The following SLC4A2 variants were observed in gnomAD, a reference collection of about 807,000 sequenced individuals.
SLC4A2 encodes solute carrier family 4 member 2.
SLC4A2 carries 36 observed loss-of-function variants against 115.0 expected under a neutral mutation model. The observed-to-expected ratio is 0.31, with a 90% CI of 0.24 to 0.41. SLC4A2 has a LOEUF of 0.41. SLC4A2 is among the 10% of genes least tolerant of loss of function. The pLI, the probability that SLC4A2 is intolerant of heterozygous loss-of-function variation, is 1.00. For synonymous variants in SLC4A2, 708 were observed against 708.3 expected (o/e 1.00, Z 0.01); for missense variants, 1,252 against 1,705.6 (o/e 0.73, Z 4.68).
In SLC4A2 at chr7:151,074,135, C is replaced by A. The variant is rs758576374; in HGVS notation, c.2632C>A (p.Leu878Met). 6.8e-6 allele frequency: 11 copies of A among 1,612,556 alleles called. No homozygotes were observed. In the South Asian group the frequency reaches 1.2e-4, roughly 18 times the overall value. Residue 878 changes from leucine to methionine, a missense_variant, in exon 17 of 23, where the codon CTG becomes ATG. Physicochemically the swap from Leu to Met is conservative, Grantham distance 15. This residue lies in a region of SLC4A2 where 55 missense variants were observed against 48.6 expected (regional missense o/e 1.13). Transcript: ENST00000413384. ...NMTWAGARPT[L>M]GPGNRSLAGQ... ...GACATGGGCCGGGGCAAGACCCACG[C>A]TGGGGCCGGGCAACAGGAGCTTGGC...
chr7:151,062,145 G>A lies in SLC4A2; in HGVS notation c.51+107G>A, dbSNP rs915891820. 2.4e-5 allele frequency: 16 copies of A among 670,780 alleles called. No individual in the cohort carries two copies. The East Asian group carries it at 4.6e-4, about 19-fold the overall frequency. The allele number at this position is 670,780 out of a possible 1,614,324, so 41.6% of individuals were successfully genotyped here. On this transcript the variant is annotated intron_variant, in intron 2 of 22. Coordinates refer to ENST00000413384, the MANE Select transcript of SLC4A2 (RefSeq NM_003040.4). ...CAGGGGTGTGAGCGTGTGTGAGTGT[G>A]GAGACTGGGAGGATGCTGCCATCCC...
intron 2 of SLC4A2, chr7:151,063,004 C>A: frequency 7.0e-7 from 1 of 1,436,518 alleles, no homozygotes; most frequent in Non-Finnish European, 9.1e-7. Context: ...CGATGCCCTT[C>A]AGGTCCAGAA....
chr7:151,068,857 C>T (rs1797326265), intron 8 of SLC4A2, among the ~76,000 whole-genome samples: 1 of 151,768 alleles, frequency 6.6e-6, no homozygotes, highest in Non-Finnish European at 1.5e-5. Flanking sequence ...AACGAAGCAG[C>T]TGCTGGGCGC....
chr7:151,070,283 C>A lies in SLC4A2; in HGVS notation c.1386C>A (p.Asp462Glu). Reference protein sequence around the residue: ...GHHHGQGAESDPHVTEPLMGG... With the variant: ...GHHHGQGAESEPHVTEPLMGG... ...ACCATGGTCAGGGGGCTGAGAGTGA[C>A]CCCCACGTCACCGAGCCTCTCATGG... The change falls in exon 10 of 23, where the codon GAC (aspartate) becomes GAA (glutamate). Residue 462 changes from aspartate (D) to glutamate (E), a missense_variant. Coordinates refer to ENST00000413384, the MANE Select transcript of SLC4A2 (RefSeq NM_003040.4). 1 of 1,613,750 alleles carries A rather than the reference C, an allele frequency of 6.2e-7. No individual in the cohort carries two copies.
chr7:151,058,711 G>A (rs944836486), upstream of SLC4A2: 2 of 152,312 alleles, frequency 1.3e-5, no homozygotes, highest in African/African-American at 4.8e-5. Context: ...GTGGCAGGCA[G>A]GTTGGTTAAC....
Position 151,076,165 on chromosome 7 carries a change from C to G in SLC4A2, c.3624C>G (p.Phe1208Leu). 6.2e-7 allele frequency: 1 copy of G among 1,611,092 alleles called. No homozygotes were observed. The highest frequency in any genetic ancestry group is 2.2e-5 in the East Asian group (1 of 44,886). The change falls in exon 22 of 23, where the codon TTC (phenylalanine) becomes TTG (leucine). Residue 1208 changes from phenylalanine to leucine, a missense_variant. This residue lies in a region of SLC4A2 where 52 missense variants were observed against 40.6 expected (regional missense o/e 1.28). Transcript: ENST00000413384. ...PLRMVVLTRI[F>L]TDREMKCLDA... ...GCATGGTGGTGCTCACCCGTATCTTCACCGACCGAGAGATGAAATGTGTAA... is the reference window on the plus strand; with the variant it reads ...GCATGGTGGTGCTCACCCGTATCTTGACCGACCGAGAGATGAAATGTGTAA...
At position 151,074,102 on chromosome 7, in the gene SLC4A2, G is replaced by C. The variant is rs775252874; in HGVS notation, c.2599G>C (p.Glu867Gln). The change falls in exon 17 of 23, where the codon GAG (glutamate) becomes CAG (glutamine). Residue 867 changes from glutamate (E) to glutamine (Q), a missense_variant. This residue lies in a region of SLC4A2 where 55 missense variants were observed against 48.6 expected (regional missense o/e 1.13). Transcript: ENST00000413384. Reference protein sequence around the residue: ...ASNSSEVDGGENMTWAGARPT... With the variant: ...ASNSSEVDGGQNMTWAGARPT... Reference sequence around the variant, plus strand: ...CAACAGCTCAGAGGTGGACGGCGGTGAGAACATGACATGGGCCGGGGCAAG... The same window carrying C: ...CAACAGCTCAGAGGTGGACGGCGGTCAGAACATGACATGGGCCGGGGCAAG... 2 of 1,610,498 alleles carry C rather than the reference G, an allele frequency of 1.2e-6. No homozygotes were observed. The highest frequency in any genetic ancestry group is 1.7e-6 in the Non-Finnish European group (2 of 1,178,436).
rs1585004118 is a variant in SLC4A2 at position 151,076,481 on chromosome 7, TCTC to T, written c.*119_*121del. On this transcript the variant is annotated 3_prime_UTR_variant, in exon 23 of 23. Transcript: ENST00000413384. ...TATTTAAGTGAATAATTTAAAGTCTTCTCCTCCCCCACTGCCCCTGCAGTAAAG... is the reference window on the plus strand; with the variant it reads ...TATTTAAGTGAATAATTTAAAGTCTTCTCCCCCACTGCCCCTGCAGTAAAG... 5.6e-6 allele frequency: 5 copies of T among 894,888 alleles called. No individual in the cohort carries two copies. The highest frequency in any genetic ancestry group is 1.7e-5 in the African/African-American group (1 of 58,630). 55.4% of individuals were successfully genotyped at this position (894,888 alleles called of 1,614,324 possible).
chr7:151,065,501 G>A (rs1048820646), intron 5 of SLC4A2, among the ~76,000 whole-genome samples: 4 of 152,238 alleles, frequency 2.6e-5, no homozygotes, highest in Non-Finnish European at 5.9e-5. Context: ...CAGGCAAAGT[G>A]TCAGTACCAG....
chr7:151,069,815 G>A (rs779414235), intron 8 of SLC4A2, 132 bp from the exon 9 acceptor site: 164 of 1,033,688 alleles, frequency 1.6e-4, no homozygotes, highest in Middle Eastern at 2.9e-4. Flanking sequence ...TCGAGCCCGC[G>A]TCCTTCATGT....
chr7:151,075,859 A>G (rs1797611987), intron 21 of SLC4A2, 84 bp downstream of exon 21: 8 of 1,465,984 alleles, frequency 5.5e-6, no homozygotes, highest in Non-Finnish European at 7.4e-6. Context: ...GCCCCCTCCC[A>G]TCTGCCCAGT....
upstream of SLC4A2, chr7:151,058,992 T>C (rs1399047016): frequency 1.3e-5 from 2 of 152,224 alleles, no homozygotes; most frequent in African/African-American, 4.8e-5. Flanking sequence ...GTATTCCTTA[T>C]CTGGAAGACT....
chr7:151,063,865 A>G (rs1563340911), intron 2 of SLC4A2, among the ~76,000 whole-genome samples: 1 of 152,018 alleles, frequency 6.6e-6, no homozygotes, highest in Non-Finnish European at 1.5e-5. Context: ...AGTAGCTGGG[A>G]TTACTGGTGT....
chr7:151,075,767 G>A lies in SLC4A2; in HGVS notation c.3463G>A (p.Val1155Ile), dbSNP rs192450553. ...CAAACACCACCCAGATGTCACTTAC[G>A]TCAAGAAGGTGAGCCCCCCAGCTCC... ...PPKHHPDVTYVKKVRTLRMHL... is the reference protein window; with the variant it reads ...PPKHHPDVTYIKKVRTLRMHL... Residue 1155 changes from valine (V) to isoleucine (I), a missense_variant, in exon 21 of 23, where the codon GTC (valine) becomes ATC (isoleucine). Physicochemically the swap from Val to Ile is conservative, Grantham distance 29. This residue lies in a region of SLC4A2 where 253 missense variants were observed against 407.4 expected (regional missense o/e 0.62). Transcript: ENST00000413384. The A allele has an allele frequency of 6.2e-6, 10 of 1,602,926 alleles. No individual in the cohort carries two copies. The highest frequency in any genetic ancestry group is 2.2e-5 in the East Asian group (1 of 44,522).
chr7:151,064,695 T>G lies in SLC4A2; in HGVS notation c.387T>G (p.Asp129Glu), dbSNP rs1162498507. ...TTGAGGAGGGGGAGGAAGATGAGGA[T>G]GAGGCCAGCGAGGCTGAGGGGGCCC... ...PTIEEGEEDE[D>E]EASEAEGARA... The change falls in exon 4 of 23, where the codon GAT becomes GAG. Residue 129 changes from aspartate (D) to glutamate (E), a missense_variant. Coordinates refer to ENST00000413384, the MANE Select transcript of SLC4A2 (RefSeq NM_003040.4). 1 of 1,613,652 alleles carries G rather than the reference T, an allele frequency of 6.2e-7. No homozygotes were observed. The highest frequency in any genetic ancestry group is 1.7e-5 in the Admixed American group (1 of 60,002).
intron 1 of SLC4A2, chr7:151,061,700 A>C (rs1797050863): frequency 1.6e-5 from 7 of 438,700 alleles, no homozygotes; most frequent in Non-Finnish European, 2.5e-5. Flanking sequence ...TCCTCCCTCT[A>C]CTCAGCCTCT....
At chr7:151,058,208 T>A (rs1584976549), upstream of SLC4A2, 1 of 421,114 alleles carries the variant, frequency 2.4e-6, no homozygotes, top group African/African-American at 2.1e-5. Context: ...TCCTTTTATG[T>A]GCTCCCAGCC....
At position 151,064,511 on chromosome 7, in the gene SLC4A2, C is replaced by T. The variant is rs774325261; in HGVS notation, c.218-15C>T. 8 of 1,603,886 alleles carry T rather than the reference C, an allele frequency of 5.0e-6. No individual in the cohort carries two copies. Among genetic ancestry groups the T allele is most frequent in the Admixed American group, 3.4e-5 (2 of 59,590 alleles). ...CACTGTGCCTGCCACAGCCAAGTCC[C>T]CCTCCTCCCTGCAGACCACCGCCAG... On this transcript the variant is annotated splice_polypyrimidine_tract_variant and intron_variant, in intron 3 of 22. Coordinates refer to ENST00000413384, the MANE Select transcript of SLC4A2 (RefSeq NM_003040.4).
At position 151,064,939 on chromosome 7, in the gene SLC4A2, C is replaced by T. The variant is rs1797182108; in HGVS notation, c.551C>T (p.Pro184Leu). The T allele has an allele frequency of 6.2e-7, 1 of 1,613,498 alleles. No individual in the cohort carries two copies. The highest frequency in any genetic ancestry group is 1.1e-5 in the South Asian group (1 of 91,088). Residue 184 changes from proline to leucine, a missense_variant, in exon 5 of 23, where the codon CCT becomes CTT. By Grantham distance (98) the Pro-to-Leu change is moderately conservative. Coordinates refer to ENST00000413384, the MANE Select transcript of SLC4A2 (RefSeq NM_003040.4). ...CCACTGCCCCACCAGGAGGCGACTC[C>T]TCGGGCCTCCAAAGGGGCCCAGGCT... ...PAPLPHQEAT[P>L]RASKGAQAGT...
Sources: gnomAD v4.1 joint callset for allele counts (sites outside exome capture counted in the v4.1 genomes callset) on GRCh38, gnomAD v4.1.1 for gene constraint, gnomAD v4.1.1 regional missense constraint, MANE v1.5 for transcripts, NCBI Gene and HGNC (gene_info 2026-07-23, HGNC 2026-07-21) for gene names.